ARHGEF3: variants seen among roughly 807,000 people sequenced by gnomAD.
ARHGEF3 encodes Rho guanine nucleotide exchange factor 3, also known as 59.8 kDA protein.
In ARHGEF3, 28 loss-of-function variants were observed where a neutral mutation model predicts 63.2. The observed-to-expected ratio is 0.44, with a 90% confidence interval of 0.33 to 0.61. The LOEUF (loss-of-function observed/expected upper bound fraction) is 0.61. ARHGEF3 is among the 20% of genes least tolerant of loss of function. The probability of loss-of-function intolerance (pLI) is 0.03; values close to 1 mark genes in which losing one functional copy is unlikely to be tolerated. For missense variants in ARHGEF3, 533 were observed against 659.3 expected (o/e 0.81, Z 2.10); for synonymous variants, 266 against 254.2 (o/e 1.05, Z -0.44).
intron 3 of ARHGEF3, among the ~76,000 whole-genome samples, chr3:56,937,377 T>C (rs1322289942): frequency 3.9e-5 from 6 of 152,196 alleles, no homozygotes; most frequent in Admixed American, 3.3e-4. Flanking sequence ...TGTAATTGTG[T>C]TACTTTGGAA....
At chr3:56,768,843 G>C (rs1578460603) in intron 2 of ARHGEF3, among the ~76,000 whole-genome samples, 1 of 152,320 alleles carries the variant, frequency 6.6e-6, no homozygotes, top group African/African-American at 2.4e-5. Flanking sequence ...GTGAGGCTGA[G>C]ACTGACAGAG....
chr3:56,901,169 G>T (rs953771317), intron 3 of ARHGEF3, among the ~76,000 whole-genome samples: 1 of 152,154 alleles, frequency 6.6e-6, no homozygotes, highest in African/African-American at 2.4e-5. Flanking sequence ...TCAGATTCCA[G>T]CATAGACCAG....
intron 2 of ARHGEF3, among the ~76,000 whole-genome samples, chr3:57,013,943 C>G (rs573624807): frequency 1.3e-5 from 2 of 152,228 alleles, no homozygotes; most frequent in South Asian, 4.1e-4. Context: ...GGGTCAATTT[C>G]CACTCTGGGG....
At chr3:56,972,572 TG>T (rs1229289824) in intron 2 of ARHGEF3, among the ~76,000 whole-genome samples, 1 of 151,868 alleles carries the variant, frequency 6.6e-6, no homozygotes, top group Non-Finnish European at 1.5e-5. Context: ...ATATTTAGTA[TG>T]GAGTGCCCAG....
intron 2 of ARHGEF3, among the ~76,000 whole-genome samples, chr3:56,988,528 T>G (rs1701627060): frequency 6.6e-6 from 1 of 152,180 alleles, no homozygotes; most frequent in African/African-American, 2.4e-5. Flanking sequence ...TCATTATTAT[T>G]AATAGCATCA....
At chr3:56,854,140 A>G (rs62249817) in intron 4 of ARHGEF3, among the ~76,000 whole-genome samples, 55,604 of 152,030 alleles carry the variant, frequency 0.37, 11,799 homozygotes, top group Non-Finnish European at 0.47. Flanking sequence ...GCTTACAGTG[A>G]GCCGAGATGG....
intron 3 of ARHGEF3, among the ~76,000 whole-genome samples, chr3:56,939,461 C>T (rs895825941): frequency 6.6e-6 from 1 of 152,100 alleles, no homozygotes; most frequent in African/African-American, 2.4e-5. Context: ...GTCATCAATA[C>T]GACTAACCAC....
chr3:56,998,427 C>G (rs1346339545), intron 2 of ARHGEF3, among the ~76,000 whole-genome samples: 2 of 149,898 alleles, frequency 1.3e-5, no homozygotes, highest in Non-Finnish European at 3.0e-5. Flanking sequence ...TTTTTTCCTT[C>G]CCTGCAGCCA....
intron 2 of ARHGEF3, among the ~76,000 whole-genome samples, chr3:56,964,437 G>A (rs1340784606): frequency 6.6e-6 from 1 of 151,636 alleles, no homozygotes; most frequent in Admixed American, 6.6e-5. Flanking sequence ...CCTCTTTCCA[G>A]CAGTCCAGCT....
intron 3 of ARHGEF3, among the ~76,000 whole-genome samples, chr3:56,924,166 G>A (rs1031859075): frequency 2.6e-5 from 4 of 152,190 alleles, no homozygotes; most frequent in Non-Finnish European, 4.4e-5. Context: ...GTGATAAACA[G>A]GGGAGAAACA....
In ARHGEF3 at chr3:56,833,918, T is replaced by TC. The variant is rs10632077; in HGVS notation, c.192+48373dup. On this transcript the variant is annotated intron_variant, in intron 4 of 12. Transcript: ENST00000338458. ...TTCAATATTCCAATATTCTTTGTTTTCCCCCCCCAATTTTTACTCTTGTCA... is the reference window on the plus strand; with the variant it reads ...TTCAATATTCCAATATTCTTTGTTTTCCCCCCCCCAATTTTTACTCTTGTCA... Among the ~76,000 whole-genome samples the TC allele has an allele frequency of 1.4e-3, 206 of 148,568 alleles. 3 individuals carry two copies. In the East Asian group the frequency reaches 0.016, roughly 12 times the overall value.
intron 3 of ARHGEF3, among the ~76,000 whole-genome samples, chr3:56,934,946 T>C (rs1281032302): frequency 6.6e-6 from 1 of 152,108 alleles, no homozygotes; most frequent in Non-Finnish European, 1.5e-5. Flanking sequence ...GGTGGGGAGG[T>C]GGAGAGTCTT....
At chr3:56,752,566 A>G (rs1029622917) in intron 4 of ARHGEF3, among the ~76,000 whole-genome samples, 14 of 152,196 alleles carry the variant, frequency 9.2e-5, no homozygotes, top group African/African-American at 3.4e-4. Context: ...GGATGGGTGG[A>G]TATGAATGGT....
At chr3:56,953,730 C>T (rs769412623) in intron 3 of ARHGEF3, among the ~76,000 whole-genome samples, 9 of 152,212 alleles carry the variant, frequency 5.9e-5, no homozygotes, top group Non-Finnish European at 8.8e-5. Flanking sequence ...TAGATGGATC[C>T]TGGAAGCAAA....
chr3:56,941,330 C>G (rs574996621), intron 3 of ARHGEF3, among the ~76,000 whole-genome samples: 1 of 152,212 alleles, frequency 6.6e-6, no homozygotes, highest in Admixed American at 6.5e-5. Context: ...GCCTCAGGCT[C>G]CCAAGCAGCT....
chr3:57,002,424 C>CTATATATATATATATATATA lies in ARHGEF3; in HGVS notation c.62+32663_62+32664insTATATATATATATATATATA, dbSNP rs55778548. Reference sequence around the variant, plus strand: ...TATATGCCAGGCACTGTTCTAAGCACTATATATATATATATATGCCAGGCA... The same window carrying CTATATATATATATATATATA: ...TATATGCCAGGCACTGTTCTAAGCACTATATATATATATATATATATATATATATATATATATGCCAGGCA... On this transcript the variant is annotated intron_variant, in intron 2 of 12. Transcript: ENST00000338458. Among the ~76,000 whole-genome samples the CTATATATATATATATATATA allele has an allele frequency of 7.2e-4, 45 of 62,766 alleles. 2 individuals are homozygous for CTATATATATATATATATATA. The highest frequency in any genetic ancestry group is 2.7e-3 in the South Asian group (5 of 1,830). The allele number at this position is 62,766 out of a possible 152,430, so 41.2% of individuals were successfully genotyped here. A position where few individuals can be genotyped will look rare whatever the true frequency, so the allele number is the denominator to read the frequency against.
intron 7 of ARHGEF3, among the ~76,000 whole-genome samples, chr3:56,744,012 A>C (rs1338992167): frequency 3.3e-5 from 5 of 152,116 alleles, no homozygotes; most frequent in Middle Eastern, 6.8e-3. Flanking sequence ...CAAAAAAAAA[A>C]CTTCAATTAA....
At chr3:56,992,035 T>C (rs1701770628) in intron 2 of ARHGEF3, among the ~76,000 whole-genome samples, 2 of 146,732 alleles carry the variant, frequency 1.4e-5, no homozygotes, top group East Asian at 1.9e-4. Context: ...TGTGTGTGTG[T>C]GTGTGTGTGT....
intron 6 of ARHGEF3, among the ~76,000 whole-genome samples, chr3:56,750,677 T>A (rs959563363): frequency 6.6e-6 from 1 of 151,320 alleles, no homozygotes; most frequent in African/African-American, 2.4e-5. Context: ...CAAGTTTTTT[T>A]TTTTTTTTTT....
Sources: allele counts gnomAD v4.1 joint callset (sites outside exome capture counted in the v4.1 genomes callset), GRCh38; gene constraint gnomAD v4.1.1; transcripts MANE v1.5; gene names NCBI Gene and HGNC (gene_info 2026-07-23, HGNC 2026-07-21).